Variants in ZNF532 observed in about 807,000 individuals in gnomAD.
The protein encoded by ZNF532 is zinc finger protein 532.
ZNF532 carries 22 observed loss-of-function variants against 89.3 expected under a neutral mutation model. The ratio of observed to expected loss-of-function variants is 0.25; its 90% CI spans 0.18 to 0.35. The LOEUF is 0.35. Among genes scored for constraint, ZNF532 ranks in the 10% least tolerant of loss-of-function variants. The pLI is 1.00. For missense variants in ZNF532, 1,132 were observed against 1,643.4 expected (o/e 0.69, Z 5.38); for synonymous variants, 606 against 649.6 (o/e 0.93, Z 1.02).
intron 2 of ZNF532, among the ~76,000 whole-genome samples, chr18:58,870,205 A>ATT (rs1019313870): frequency 6.6e-6 from 1 of 151,564 alleles, no homozygotes; most frequent in African/African-American, 2.4e-5. Flanking sequence ...TTGCCTTGTC[A>ATT]TTTAACAGAT....
At chr18:58,888,140 A>G (rs1157636606) in intron 2 of ZNF532, among the ~76,000 whole-genome samples, 3 of 151,892 alleles carry the variant, frequency 2.0e-5, no homozygotes, top group Non-Finnish European at 4.4e-5. Flanking sequence ...ATAATAAACC[A>G]CAATCATCAT....
At chr18:58,961,608 G>C (rs538088137) in intron 7 of ZNF532, among the ~76,000 whole-genome samples, 17 of 152,342 alleles carry the variant, frequency 1.1e-4, no homozygotes, top group African/African-American at 4.1e-4. Flanking sequence ...ATGACAAGTA[G>C]TATTTGTCAC....
At chr18:58,890,690 C>T in intron 2 of ZNF532, among the ~76,000 whole-genome samples, 1 of 151,186 alleles carries the variant, frequency 6.6e-6, no homozygotes, top group East Asian at 1.9e-4. Context: ...TGTAATATGA[C>T]TGTATGCCCA....
At chr18:58,963,603 ATGTGTGTGTGTGTGTGTG>A (rs60644289) in intron 7 of ZNF532, among the ~76,000 whole-genome samples, 85 of 143,880 alleles carry the variant, frequency 5.9e-4, no homozygotes, top group African/African-American at 1.7e-3. Flanking sequence ...AAAGAAAAAA[ATGTGTGTGTGTGTGTGTG>A]TGTGTGTGTG....
intron 7 of ZNF532, among the ~76,000 whole-genome samples, chr18:58,956,933 C>T (rs1012141660): frequency 1.3e-5 from 2 of 152,162 alleles, no homozygotes; most frequent in African/African-American, 4.8e-5. Context: ...CTTTGCTTCT[C>T]GTGTACAGTA....
Position 58,931,404 on chromosome 18 carries a change from A to G in ZNF532, c.2347-3029A>G, listed in dbSNP as rs1033090955. Reference sequence around the variant, plus strand: ...CATCCCCCAAACCCAGAGGATGTTCATTATTTTCATGAATTCAAAGCATTA... The same window carrying G: ...CATCCCCCAAACCCAGAGGATGTTCGTTATTTTCATGAATTCAAAGCATTA... On this transcript the variant is annotated intron_variant, in intron 3 of 9. Coordinates refer to ENST00000591808, the MANE Select transcript of ZNF532 (RefSeq NM_001375912.1). Among the ~76,000 whole-genome samples the G allele has an allele frequency of 2.6e-5, 4 of 152,196 alleles. No individual in the cohort carries two copies. The East Asian group carries it at 7.7e-4, about 29-fold the overall frequency.
chr18:58,939,777 C>A, intron 5 of ZNF532, 156 bp downstream of exon 5: 2 of 566,558 alleles, frequency 3.5e-6, no homozygotes, highest in South Asian at 4.1e-5. Context: ...CATAGCTCAT[C>A]CAAATCTTTC....
chr18:58,918,998 C>T lies in ZNF532; in HGVS notation c.711C>T (p.Asn237=), dbSNP rs1428402325. The change falls in exon 3 of 10, where the codon AAC becomes AAT. Residue 237 remains asparagine, a synonymous_variant. Coordinates refer to ENST00000591808, the MANE Select transcript of ZNF532 (RefSeq NM_001375912.1). ...AAAGCTCTGACAAGGTGCTGGAAAA[C>T]AGAGTCCTAGATGGGAAGCTGAGCT... ...LKESSDKVLE[N]RVLDGKLSSE... The T allele has an allele frequency of 1.9e-6, 3 of 1,613,340 alleles. No homozygotes were observed. The highest frequency in any genetic ancestry group is 2.7e-5 in the African/African-American group (2 of 74,912).
At chr18:58,939,756 G>T in intron 5 of ZNF532, 135 bp downstream of exon 5, 10 of 750,998 alleles carry the variant, frequency 1.3e-5, no homozygotes, top group Non-Finnish European at 2.1e-5. Flanking sequence ...GATGCTTTAT[G>T]AAATACAGCT....
At chr18:58,896,606 GCTAT>G (rs1365266974) in intron 2 of ZNF532, 2 of 153,098 alleles carry the variant, frequency 1.3e-5, no homozygotes, top group Admixed American at 6.6e-5. Context: ...CGCCCACTCA[GCTAT>G]CTGTTTATCA....
At chr18:58,964,795 AGGG>A (rs1470836270) in intron 7 of ZNF532, among the ~76,000 whole-genome samples, 3 of 151,620 alleles carry the variant, frequency 2.0e-5, no homozygotes, top group African/African-American at 7.3e-5. Flanking sequence ...TTCGGGGTAG[AGGG>A]AGTTGTCTTT....
At chr18:58,933,861 T>C (rs1456248521) in intron 3 of ZNF532, among the ~76,000 whole-genome samples, 1 of 152,220 alleles carries the variant, frequency 6.6e-6, no homozygotes, top group Non-Finnish European at 1.5e-5. Context: ...TCCTTGGTTT[T>C]AATTATAAAT....
chr18:58,919,514 T>TCCAGCATCAGCC lies in ZNF532; in HGVS notation c.1228_1239dup (p.Pro410_Ala413dup). 1 of 1,614,172 alleles carries TCCAGCATCAGCC rather than the reference T, an allele frequency of 6.2e-7. No homozygotes were observed. Reference sequence around the variant, plus strand: ...CCTCTGTGACATCCCTTCTGTCGTCTCCAGCATCAGCCGCCGTCCTTTCCT... The same window carrying TCCAGCATCAGCC: ...CCTCTGTGACATCCCTTCTGTCGTCTCCAGCATCAGCCCCAGCATCAGCCGCCGTCCTTTCCT... On this transcript the variant is annotated inframe_insertion, in exon 3 of 10. Transcript: ENST00000591808. The surrounding 1 kb of genome is among the most constrained non-coding windows in gnomAD (Gnocchi z 6.1).
chr18:58,895,172 G>A (rs1479919103), intron 2 of ZNF532, among the ~76,000 whole-genome samples: 1 of 152,186 alleles, frequency 6.6e-6, no homozygotes, highest in African/African-American at 2.4e-5. Flanking sequence ...CTGCCAGGGT[G>A]CCAGTCACAG....
At chr18:58,870,568 G>A (rs1172326222) in intron 2 of ZNF532, among the ~76,000 whole-genome samples, 3 of 152,272 alleles carry the variant, frequency 2.0e-5, no homozygotes, top group African/African-American at 2.4e-5. Context: ...CTTCTGTGTA[G>A]GCAGAAAAGA....
intron 2 of ZNF532, among the ~76,000 whole-genome samples, chr18:58,884,130 G>A (rs879307866): frequency 6.6e-6 from 1 of 152,264 alleles, no homozygotes; most frequent in Non-Finnish European, 1.5e-5. Flanking sequence ...TGTAATCCCA[G>A]CACTTTGGGA....
chr18:58,880,511 T>C (rs572434643), intron 2 of ZNF532, among the ~76,000 whole-genome samples: 2 of 152,308 alleles, frequency 1.3e-5, no homozygotes, highest in African/African-American at 2.4e-5. Context: ...GTGGATGAGC[T>C]CTTTTGAGTG....
intron 2 of ZNF532, among the ~76,000 whole-genome samples, chr18:58,908,610 A>T (rs1388603934): frequency 6.6e-6 from 1 of 152,242 alleles, no homozygotes; most frequent in Non-Finnish European, 1.5e-5. Context: ...TAATAATGAC[A>T]TTAGCTTATG....
intron 7 of ZNF532, among the ~76,000 whole-genome samples, chr18:58,959,053 T>C (rs1369544328): frequency 6.6e-6 from 1 of 152,206 alleles, no homozygotes. Flanking sequence ...AGAAGTTACA[T>C]GTTATATGTA....
Sources: allele counts gnomAD v4.1 joint callset (sites outside exome capture counted in the v4.1 genomes callset), GRCh38; gene constraint gnomAD v4.1.1; non-coding constraint Gnocchi (gnomAD v3.1); transcripts MANE v1.5; gene names NCBI Gene and HGNC (gene_info 2026-07-23, HGNC 2026-07-21).